CRMP1: variants seen among roughly 807,000 people sequenced by gnomAD.
CRMP1 encodes collapsin response mediator protein 1, also known as dihydropyrimidinase-related protein 1.
CRMP1 carries 19 observed loss-of-function variants against 68.3 expected under a neutral mutation model. The ratio of observed to expected loss-of-function variants is 0.28; its 90% CI spans 0.19 to 0.41. The LOEUF (loss-of-function observed/expected upper bound fraction) is 0.41, where lower values mean the gene tolerates loss of function less well. CRMP1 is among the 10% of genes least tolerant of loss of function. The pLI is 1.00. For synonymous variants in CRMP1, 439 were observed against 399.6 expected (o/e 1.10, Z -1.18); for missense variants, 791 against 967.4 (o/e 0.82, Z 2.42).
chr4:5,873,135 G>A (rs772776451), intron 1 of CRMP1, among the ~76,000 whole-genome samples: 1 of 152,188 alleles, frequency 6.6e-6, no homozygotes, highest in Admixed American at 6.5e-5. Flanking sequence ...CTCAAGGGGT[G>A]CTCAGGCCAG....
chr4:5,862,842 T>A (rs1027562944), intron 2 of CRMP1, among the ~76,000 whole-genome samples: 1 of 152,210 alleles, frequency 6.6e-6, no homozygotes, highest in African/African-American at 2.4e-5. Context: ...AGGGTCTCTG[T>A]CAGCCAGGCT....
At position 5,879,280 on chromosome 4, in the gene CRMP1, C is replaced by T. The variant is rs549191873; in HGVS notation, c.382-12524G>A. ...TCCCTGCAGCATGCATCTCTGGCCACATCTGCTCTGCTCATTGCTTTCCAA... is the reference window on the plus strand; with the variant it reads ...TCCCTGCAGCATGCATCTCTGGCCATATCTGCTCTGCTCATTGCTTTCCAA... On this transcript the variant is annotated intron_variant, in intron 1 of 13. Coordinates refer to ENST00000324989, the MANE Select transcript of CRMP1 (RefSeq NM_001014809.3). The surrounding 1 kb of genome is among the most constrained non-coding windows in gnomAD (Gnocchi z 4.2). 1.9e-4 allele frequency among the ~76,000 whole-genome samples: 29 copies of T among 152,374 alleles called. 1 individual carries two copies. The highest frequency in any genetic ancestry group is 6.5e-4 in the African/African-American group (27 of 41,592).
At position 5,838,055 on chromosome 4, in the gene CRMP1, C is replaced by A. The variant is rs1278618634; in HGVS notation, c.1311-1149G>T. On this transcript the variant is annotated intron_variant, in intron 9 of 13. Transcript: ENST00000324989. This position sits in a 1 kb window ranked among gnomAD's most constrained non-coding sequence, Gnocchi z 4.9. Reference sequence around the variant, plus strand: ...AGGTGGGGATGAGGCGTGCTGGGGACAGGCTGGAGATGCCATTTCCAGGAG... The same window carrying A: ...AGGTGGGGATGAGGCGTGCTGGGGAAAGGCTGGAGATGCCATTTCCAGGAG... 6.6e-6 allele frequency among the ~76,000 whole-genome samples: 1 copy of A among 152,162 alleles called. No individual in the cohort carries two copies. The highest frequency in any genetic ancestry group is 1.5e-5 in the Non-Finnish European group (1 of 68,030).
intron 1 of CRMP1, among the ~76,000 whole-genome samples, chr4:5,887,201 G>A (rs1203713834): frequency 6.6e-6 from 1 of 152,242 alleles, no homozygotes; most frequent in Non-Finnish European, 1.5e-5. Flanking sequence ...ACTGGCAGGT[G>A]AGTGCAAGTG....
Position 5,854,883 on chromosome 4 carries a change from C to A in CRMP1, c.820+1260G>T, listed in dbSNP as rs1201992501. ...TGTTAAAACCTCTGACCTTCTAATTCCACTTCTGGAAATCTAAAGAAAAAT... is the reference window on the plus strand; with the variant it reads ...TGTTAAAACCTCTGACCTTCTAATTACACTTCTGGAAATCTAAAGAAAAAT... On this transcript the variant is annotated intron_variant, in intron 4 of 13. Transcript: ENST00000324989. The surrounding 1 kb of genome is among the most constrained non-coding windows in gnomAD (Gnocchi z 4.0). Among the ~76,000 whole-genome samples the A allele has an allele frequency of 6.6e-6, 1 of 152,106 alleles. No individual in the cohort carries two copies. Among genetic ancestry groups the A allele is most frequent in the Non-Finnish European group, 1.5e-5 (1 of 68,022 alleles).
intron 2 of CRMP1, among the ~76,000 whole-genome samples, chr4:5,863,745 T>C (rs771826305): frequency 2.0e-5 from 3 of 152,044 alleles, no homozygotes; most frequent in Non-Finnish European, 4.4e-5. Flanking sequence ...GCTGAACGGC[T>C]CTTAAGAAAA....
chr4:5,841,151 A>G lies in CRMP1; in HGVS notation c.1153+157T>C, dbSNP rs1711691131. Among the ~76,000 whole-genome samples, 1 of 152,194 alleles carries G rather than the reference A, an allele frequency of 6.6e-6. No individual in the cohort carries two copies. The highest frequency in any genetic ancestry group is 2.1e-4 in the South Asian group (1 of 4,824). On this transcript the variant is annotated intron_variant, in intron 8 of 13. Coordinates refer to ENST00000324989, the MANE Select transcript of CRMP1 (RefSeq NM_001014809.3). The surrounding 1 kb of genome is among the most constrained non-coding windows in gnomAD (Gnocchi z 6.9). ...AATATCCTAAGGTCATTGGGACCAAAGAATTCCAGCCACCATCCTTGTGTC... is the reference window on the plus strand; with the variant it reads ...AATATCCTAAGGTCATTGGGACCAAGGAATTCCAGCCACCATCCTTGTGTC...
intron 3 of CRMP1, among the ~76,000 whole-genome samples, chr4:5,856,898 CATT>C (rs1317846767): frequency 6.6e-6 from 1 of 151,244 alleles, no homozygotes; most frequent in African/African-American, 2.5e-5. Flanking sequence ...CCATCATCAT[CATT>C]ACTAACATTA....
At chr4:5,836,943 G>A (rs1720766905) in intron 9 of CRMP1, 37 bp from the exon 10 acceptor site, 5 of 1,560,774 alleles carry the variant, frequency 3.2e-6, no homozygotes, top group Non-Finnish European at 3.5e-6. Flanking sequence ...TCAGACCCTA[G>A]TTCATTTTGA....
chr4:5,836,640 A>C (rs1720746736), intron 10 of CRMP1, 125 bp downstream of exon 10: 2 of 1,389,158 alleles, frequency 1.4e-6, no homozygotes, highest in Middle Eastern at 1.8e-4. Flanking sequence ...GCGCCCTCCT[A>C]GTATATCTGC....
rs1340227338 is a variant in CRMP1, at chr4:5,842,669, TACAC to T, written c.1032+420_1032+423del. On this transcript the variant is annotated intron_variant, in intron 7 of 13. Coordinates refer to ENST00000324989, the MANE Select transcript of CRMP1 (RefSeq NM_001014809.3). This position sits in a 1 kb window ranked among gnomAD's most constrained non-coding sequence, Gnocchi z 4.5. ...TCTCTCTCACACACACACACTAACA[TACAC>T]ACACTCACACACACACATACACACA... Among the ~76,000 whole-genome samples, 10 of 150,270 alleles carry T rather than the reference TACAC, an allele frequency of 6.7e-5. No homozygotes were observed. Among genetic ancestry groups the T allele is most frequent in the Admixed American group, 2.0e-4 (3 of 15,112 alleles).
In CRMP1 at chr4:5,838,676, G is replaced by A. The variant is rs1188429288; in HGVS notation, c.1310+846C>T. ...GCTGCCCACCAGACATTGGACTGCA[G>A]ATGTTGAGTAAGCCCTTGGCTACGC... On this transcript the variant is annotated intron_variant, in intron 9 of 13. Transcript: ENST00000324989. The surrounding 1 kb of genome is among the most constrained non-coding windows in gnomAD (Gnocchi z 4.9). Among the ~76,000 whole-genome samples, 1 of 152,204 alleles carries A rather than the reference G, an allele frequency of 6.6e-6. No homozygotes were observed. Among genetic ancestry groups the A allele is most frequent in the Non-Finnish European group, 1.5e-5 (1 of 68,038 alleles).
At chr4:5,876,904 C>T (rs1714882059) in intron 1 of CRMP1, among the ~76,000 whole-genome samples, 1 of 152,144 alleles carries the variant, frequency 6.6e-6, no homozygotes, top group African/African-American at 2.4e-5. Context: ...ACAAACATCC[C>T]CAGATAATTT....
rs923848146 is a variant in CRMP1 at position 5,877,981 on chromosome 4, C to T, written c.382-11225G>A. Among the ~76,000 whole-genome samples the T allele has an allele frequency of 6.6e-6, 1 of 152,238 alleles. No individual in the cohort carries two copies. The highest frequency in any genetic ancestry group is 1.9e-4 in the East Asian group (1 of 5,196). ...TTTCTCTGTGTTCTGGTCTGTGCTT[C>T]TTGCTTTATAGAAAGAAATCCGAAC... On this transcript the variant is annotated intron_variant, in intron 1 of 13. Transcript: ENST00000324989. This position sits in a 1 kb window ranked among gnomAD's most constrained non-coding sequence, Gnocchi z 4.3.
chr4:5,884,516 C>T (rs1439433824), intron 1 of CRMP1, among the ~76,000 whole-genome samples: 2 of 147,890 alleles, frequency 1.4e-5, no homozygotes, highest in South Asian at 2.2e-4. Context: ...TTTCCTAGCA[C>T]GCAGACCAGC....
In CRMP1 at chr4:5,821,669, A is replaced by T. The variant is rs536678068; in HGVS notation, c.*91T>A. ...CTTCCCCCTCCCTCCATCAGCACCA[A>T]CTAAAACTGTGGGTTTCAAAAACAC... is the stretch of plus-strand genomic sequence containing the variant. On this transcript the variant is annotated 3_prime_UTR_variant, in exon 14 of 14. Coordinates refer to ENST00000324989, the MANE Select transcript of CRMP1 (RefSeq NM_001014809.3). This position sits in a 1 kb window ranked among gnomAD's most constrained non-coding sequence, Gnocchi z 4.4. 3.2e-6 allele frequency: 4 copies of T among 1,264,696 alleles called. No individual in the cohort carries two copies. The African/African-American group carries it at 5.9e-5, about 19-fold the overall frequency. The allele number at this position is 1,264,696 out of a possible 1,614,324, so 78.3% of individuals were successfully genotyped here.
chr4:5,824,589 C>G (rs1402313645), intron 13 of CRMP1: 1 of 959,974 alleles, frequency 1.0e-6, no homozygotes, highest in Non-Finnish European at 1.2e-6. Flanking sequence ...ATCCGGCCCA[C>G]CGCCTGTTTC....
At chr4:5,824,088 CATT>C (rs1307466695) in intron 13 of CRMP1, among the ~76,000 whole-genome samples, 1 of 152,120 alleles carries the variant, frequency 6.6e-6, no homozygotes, top group Non-Finnish European at 1.5e-5. Context: ...CTTTTAACTT[CATT>C]GTTATTCTTG....
At chr4:5,826,777 C>T (rs763478194) in intron 12 of CRMP1, 1 of 152,850 alleles carries the variant, frequency 6.5e-6, no homozygotes, top group Non-Finnish European at 1.5e-5. Flanking sequence ...GCCCTGACCC[C>T]AGGCCTGGCT....
Sources: gnomAD v4.1 joint callset for allele counts (sites outside exome capture counted in the v4.1 genomes callset) on GRCh38, gnomAD v4.1.1 for gene constraint, Gnocchi (gnomAD v3.1) non-coding constraint, MANE v1.5 for transcripts, NCBI Gene and HGNC (gene_info 2026-07-23, HGNC 2026-07-21) for gene names.